Variants in RWDD4 observed in about 807,000 individuals in gnomAD.
RWDD4 encodes RWD domain-containing protein 4.
A neutral mutation model predicts 30.0 loss-of-function variants in RWDD4; 16 were observed. The ratio of observed to expected loss-of-function variants is 0.53; its 90% confidence interval spans 0.36 to 0.81. The LOEUF (loss-of-function observed/expected upper bound fraction) is 0.81. Among genes scored for constraint, RWDD4 ranks in the 30% least tolerant of loss-of-function variants. RWDD4 has a pLI of 0.00. For missense variants in RWDD4, 170 were observed against 223.9 expected (o/e 0.76, Z 1.54); for synonymous variants, 45 against 72.1 (o/e 0.62, Z 1.90).
chr4:183,652,636 C>A, intron 2 of RWDD4, among the ~76,000 whole-genome samples: 1 of 151,934 alleles, frequency 6.6e-6, no homozygotes, highest in East Asian at 1.9e-4. Flanking sequence ...ATGGTGAAAC[C>A]CCATCTCTGC....
Position 183,646,658 on chromosome 4 carries a change from A to G in RWDD4, c.482-121T>C, listed in dbSNP as rs1561010193. On this transcript the variant is annotated intron_variant, in intron 5 of 7. Transcript: ENST00000326397. Reference sequence around the variant, plus strand: ...TAAAAATTTAAATGACATATTACTAAGTTGGAAAAAGAGTTTATCATTATG... The same window carrying G: ...TAAAAATTTAAATGACATATTACTAGGTTGGAAAAAGAGTTTATCATTATG... The G allele has an allele frequency of 1.0e-5, 8 of 799,588 alleles. No homozygotes were observed. The East Asian group carries it at 2.3e-4, about 23-fold the overall frequency. The allele number at this position is 799,588 out of a possible 1,614,324, so 49.5% of individuals were successfully genotyped here.
intron 7 of RWDD4, among the ~76,000 whole-genome samples, chr4:183,642,136 G>A (rs1358220938): frequency 6.6e-6 from 1 of 151,706 alleles, no homozygotes; most frequent in East Asian, 1.9e-4. Flanking sequence ...ACTACTAAAG[G>A]TGTTGGTTCT....
chr4:183,643,743 C>A (rs922901191), intron 7 of RWDD4, among the ~76,000 whole-genome samples: 20 of 152,026 alleles, frequency 1.3e-4, no homozygotes, highest in South Asian at 8.3e-4. Context: ...ATGGTGAAAC[C>A]CCATCTCTAC....
intron 4 of RWDD4, among the ~76,000 whole-genome samples, 194 bp downstream of exon 4, chr4:183,650,790 T>C (rs1734058166): frequency 6.6e-6 from 1 of 152,212 alleles, no homozygotes; most frequent in Admixed American, 6.5e-5. Flanking sequence ...GATAAAAATC[T>C]AGAGAATATA....
rs949162479 is a variant in RWDD4 at position 183,642,836 on chromosome 4, A to G, written c.535-1368T>C. 4.0e-5 allele frequency among the ~76,000 whole-genome samples: 6 copies of G among 151,710 alleles called. 1 individual carries two copies. In the South Asian group the frequency reaches 1.2e-3, roughly 32 times the overall value. On this transcript the variant is annotated intron_variant, in intron 7 of 7. Coordinates refer to ENST00000326397, the MANE Select transcript of RWDD4 (RefSeq NM_152682.4). ...CACTTTGGGAGGCTGAGGCGAGTGG[A>G]TCACGAGGTCAGGAGATTGAGACCA...
At chr4:183,648,194 G>A (rs1733999993) in intron 5 of RWDD4, among the ~76,000 whole-genome samples, 1 of 130,646 alleles carries the variant, frequency 7.7e-6, no homozygotes, top group South Asian at 2.4e-4. Context: ...CAGTGATCGC[G>A]CCACTGCACT....
intron 2 of RWDD4, among the ~76,000 whole-genome samples, chr4:183,655,193 G>A (rs113915207): frequency 0.07 from 10,638 of 151,950 alleles, 1,237 homozygotes; most frequent in African/African-American, 0.24. Context: ...CGCCTGCCTC[G>A]GCCTCTCAAA....
intron 7 of RWDD4, among the ~76,000 whole-genome samples, chr4:183,643,305 T>C (rs939004842): frequency 2.1e-5 from 3 of 142,704 alleles, no homozygotes; most frequent in Non-Finnish European, 4.5e-5. Flanking sequence ...CGCATGCCCA[T>C]AGTCCCAGGC....
chr4:183,654,740 C>T (rs1303833743), intron 2 of RWDD4, among the ~76,000 whole-genome samples: 1 of 152,094 alleles, frequency 6.6e-6, no homozygotes, highest in African/African-American at 2.4e-5. Context: ...ATTTGAGGTC[C>T]ATGGTTATTA....
At chr4:183,642,347 G>A (rs1328411442) in intron 7 of RWDD4, among the ~76,000 whole-genome samples, 1 of 109,396 alleles carries the variant, frequency 9.1e-6, no homozygotes, top group African/African-American at 4.7e-5. Context: ...CCGCTACCAC[G>A]CCCGGCTAAT....
chr4:183,649,341 G>A (rs925442866), intron 5 of RWDD4, 110 bp downstream of exon 5: 2 of 661,026 alleles, frequency 3.0e-6, no homozygotes, highest in Non-Finnish European at 5.3e-6. Flanking sequence ...ATGAGCCTGG[G>A]AGGTGGAGGC....
chr4:183,657,534 A>G (rs1734225208), intron 1 of RWDD4, among the ~76,000 whole-genome samples: 1 of 152,234 alleles, frequency 6.6e-6, no homozygotes, highest in East Asian at 1.9e-4. Flanking sequence ...TAGAACTTGT[A>G]TCAATACTCA....
At chr4:183,654,030 G>C (rs957016215) in intron 2 of RWDD4, among the ~76,000 whole-genome samples, 1 of 152,214 alleles carries the variant, frequency 6.6e-6, no homozygotes, top group African/African-American at 2.4e-5. Context: ...GAGAAGGCCT[G>C]AGTTAGGCCT....
intron 2 of RWDD4, among the ~76,000 whole-genome samples, chr4:183,653,202 C>T (rs757553404): frequency 2.0e-5 from 3 of 152,216 alleles, no homozygotes; most frequent in Non-Finnish European, 2.9e-5. Context: ...TCACTGGTGA[C>T]ACTAAGATTG....
chr4:183,645,169 T>C (rs1352949648), intron 7 of RWDD4, among the ~76,000 whole-genome samples: 1 of 152,156 alleles, frequency 6.6e-6, no homozygotes, highest in Non-Finnish European at 1.5e-5. Context: ...TGCTTGTAAA[T>C]TACCTGTATT....
At chr4:183,645,241 C>A (rs1733944906) in intron 7 of RWDD4, among the ~76,000 whole-genome samples, 1 of 152,322 alleles carries the variant, frequency 6.6e-6, no homozygotes, top group South Asian at 2.1e-4. Flanking sequence ...ACACTTCTCA[C>A]AGGAGTTGTG....
Position 183,651,220 on chromosome 4 carries a change from G to A in RWDD4, c.213C>T (p.Thr71=). 1.2e-6 allele frequency: 2 copies of A among 1,613,200 alleles called. No individual in the cohort carries two copies. Among genetic ancestry groups the A allele is most frequent in the Non-Finnish European group, 1.7e-6 (2 of 1,179,386 alleles). The change falls in exon 3 of 8, where the codon ACC becomes ACT. Residue 71 remains threonine (T), a splice_region_variant and synonymous_variant. Transcript: ENST00000326397. ...AGTAAAAACAAGACACTACTCACAT[G>A]GTGTTGTTAAAAAAAGCGTTCATAG... ...ILSMNAFFNN[T]ISSAVKQSIL... is the part of the protein sequence containing the mutation.
rs781673453 is a variant in RWDD4 at position 183,651,142 on chromosome 4, C to T, written c.216-11G>A. ...TTTACAGCTGATGATCTACAATGCA[C>T]AACAAAAATACCTTGCTGAGAGAAA... On this transcript the variant is annotated splice_polypyrimidine_tract_variant and intron_variant, in intron 3 of 7. Transcript: ENST00000326397. 1.4e-5 allele frequency: 23 copies of T among 1,613,724 alleles called. No homozygotes were observed. Among genetic ancestry groups the T allele is most frequent in the East Asian group, 2.2e-5 (1 of 44,858 alleles).
intron 7 of RWDD4, among the ~76,000 whole-genome samples, chr4:183,645,199 C>T (rs1404748402): frequency 6.6e-6 from 1 of 152,194 alleles, no homozygotes; most frequent in Non-Finnish European, 1.5e-5. Context: ...TCACTAAAAT[C>T]CTAATCTTTA....
Sources: gnomAD v4.1 joint callset for allele counts (sites outside exome capture counted in the v4.1 genomes callset) on GRCh38, gnomAD v4.1.1 for gene constraint, MANE v1.5 for transcripts, NCBI Gene and HGNC (gene_info 2026-07-23, HGNC 2026-07-21) for gene names.